DAB1: variants seen among roughly 807,000 people sequenced by gnomAD.
DAB1 encodes disabled homolog 1.
DAB1 carries 15 observed loss-of-function variants against 64.6 expected under a neutral mutation model. That is an observed-to-expected ratio of 0.23 (90% CI 0.16 to 0.36). The LOEUF is 0.36. Among genes scored for constraint, DAB1 ranks in the 10% least tolerant of loss-of-function variants. The probability of loss-of-function intolerance (pLI) is 1.00; values close to 1 mark genes in which losing one functional copy is unlikely to be tolerated. For missense variants in DAB1, 596 were observed against 706.7 expected (o/e 0.84, Z 1.78); for synonymous variants, 235 against 251.9 (o/e 0.93, Z 0.64).
At chr1:58,056,288 G>T (rs1261953067) in intron 5 of DAB1, 4 of 1,405,536 alleles carry the variant, frequency 2.8e-6, no homozygotes, top group African/African-American at 1.4e-5. Context: ...TACAGCTTGG[G>T]AAGCACATAG....
intron 6 of DAB1, among the ~76,000 whole-genome samples, chr1:57,816,491 C>G (rs1302434375): frequency 3.9e-5 from 6 of 152,234 alleles, no homozygotes. Flanking sequence ...AAACACAGTC[C>G]AGTCAAACAG....
chr1:57,393,495 C>A (rs1278173098), intron 1 of DAB1, among the ~76,000 whole-genome samples: 3 of 151,702 alleles, frequency 2.0e-5, no homozygotes, highest in African/African-American at 7.3e-5. Context: ...AGTTCGAGAC[C>A]AGCCTGGGCA....
At chr1:57,996,033 C>A (rs1283020515) in intron 5 of DAB1, among the ~76,000 whole-genome samples, 4 of 152,188 alleles carry the variant, frequency 2.6e-5, no homozygotes, top group Admixed American at 6.5e-5. Context: ...CCGAGGCGGG[C>A]GGATCACTTG....
At chr1:58,147,983 G>GAA (rs58099365) in intron 5 of DAB1, among the ~76,000 whole-genome samples, 2,008 of 113,482 alleles carry the variant, frequency 0.018, 26 homozygotes, top group African/African-American at 0.027. Flanking sequence ...TATAGCTGGA[G>GAA]AAAAAAAAAA....
intron 3 of DAB1, among the ~76,000 whole-genome samples, chr1:58,491,086 C>T (rs376644087): frequency 2.6e-5 from 4 of 152,174 alleles, no homozygotes; most frequent in East Asian, 1.9e-4. Context: ...AGATTACAGG[C>T]GTGAACCACT....
chr1:57,652,626 G>T (rs761674022), intron 6 of DAB1, among the ~76,000 whole-genome samples: 1 of 152,022 alleles, frequency 6.6e-6, no homozygotes, highest in Non-Finnish European at 1.5e-5. Flanking sequence ...TGGAAGAAAC[G>T]TCCCCTCTTT....
intron 6 of DAB1, among the ~76,000 whole-genome samples, chr1:57,820,066 G>A (rs1185047702): frequency 6.6e-6 from 1 of 152,028 alleles, no homozygotes; most frequent in Non-Finnish European, 1.5e-5. Flanking sequence ...AAGTACACAG[G>A]GCCAAGACAA....
chr1:58,392,017 C>A (rs151226844), intron 3 of DAB1, among the ~76,000 whole-genome samples: 1 of 152,154 alleles, frequency 6.6e-6, no homozygotes, highest in Non-Finnish European at 1.5e-5. Context: ...AAGGAATATG[C>A]GTAGCCAGGC....
At chr1:58,359,961 C>T (rs886775091) in intron 3 of DAB1, among the ~76,000 whole-genome samples, 8 of 152,170 alleles carry the variant, frequency 5.3e-5, no homozygotes, top group African/African-American at 1.9e-4. Context: ...GTTCCTCTTT[C>T]AGATGGTGGC....
At chr1:58,086,522 A>G (rs879908367) in intron 5 of DAB1, among the ~76,000 whole-genome samples, 9 of 152,108 alleles carry the variant, frequency 5.9e-5, no homozygotes, top group Non-Finnish European at 1.2e-4. Context: ...GACATCATGC[A>G]GTCATTTGAT....
intron 5 of DAB1, among the ~76,000 whole-genome samples, chr1:57,985,179 G>T (rs1287481328): frequency 6.6e-6 from 1 of 152,116 alleles, no homozygotes; most frequent in African/African-American, 2.4e-5. Context: ...AAGTGCTGGG[G>T]TCGCAGGTGT....
At chr1:57,654,830 G>A (rs1429537841) in intron 6 of DAB1, among the ~76,000 whole-genome samples, 1 of 152,096 alleles carries the variant, frequency 6.6e-6, no homozygotes, top group African/African-American at 2.4e-5. Context: ...TACGGTAAGT[G>A]CTTCCTTTGG....
chr1:58,398,267 A>G (rs547859637), intron 3 of DAB1, among the ~76,000 whole-genome samples: 19 of 152,236 alleles, frequency 1.2e-4, no homozygotes, highest in Non-Finnish European at 2.5e-4. Flanking sequence ...CTCAAAACAC[A>G]TCTGTGCACA....
At chr1:57,770,586 T>C (rs1414106104) in intron 6 of DAB1, among the ~76,000 whole-genome samples, 1 of 152,158 alleles carries the variant, frequency 6.6e-6, no homozygotes, top group African/African-American at 2.4e-5. Flanking sequence ...AATGTTATTC[T>C]AATATAATGA....
intron 4 of DAB1, among the ~76,000 whole-genome samples, chr1:58,340,214 G>C (rs1442633664): frequency 6.6e-6 from 1 of 152,130 alleles, no homozygotes; most frequent in Admixed American, 6.6e-5. Flanking sequence ...TCCTGCTATA[G>C]CGGTTTTCTT....
chr1:58,129,708 G>C (rs1028686015), intron 5 of DAB1, among the ~76,000 whole-genome samples: 5 of 148,150 alleles, frequency 3.4e-5, no homozygotes, highest in Non-Finnish European at 7.5e-5. Flanking sequence ...CCTTCATTTC[G>C]TTATGTACCC....
chr1:57,561,698 C>T (rs1451749000), intron 7 of DAB1, among the ~76,000 whole-genome samples: 1 of 152,182 alleles, frequency 6.6e-6, no homozygotes, highest in East Asian at 1.9e-4. Context: ...AACAAAGTGG[C>T]CATGGTGGCT....
At chr1:57,998,478 C>T (rs1646460947) in intron 5 of DAB1, among the ~76,000 whole-genome samples, 1 of 151,650 alleles carries the variant, frequency 6.6e-6, no homozygotes. Context: ...ATTCTCCTGC[C>T]CCAGCCTCTT....
intron 4 of DAB1, among the ~76,000 whole-genome samples, chr1:58,300,592 GAAAGAAAGAA>G (rs1557725997): frequency 5.9e-5 from 2 of 33,900 alleles, no homozygotes; most frequent in African/African-American, 2.0e-4. Context: ...AAGAAAGAAA[GAAAGAAAGAA>G]AGAAAGAAAG....
Sources: allele counts gnomAD v4.1 joint callset (sites outside exome capture counted in the v4.1 genomes callset), GRCh38; gene constraint gnomAD v4.1.1; transcripts MANE v1.5; gene names NCBI Gene and HGNC (gene_info 2026-07-23, HGNC 2026-07-21).